The following UPF2 variants were observed in gnomAD, a reference collection of about 807,000 sequenced individuals.
The protein encoded by UPF2 is UPF2 regulator of nonsense mediated mRNA decay, also known as regulator of nonsense transcripts 2.
A neutral mutation model predicts 141.4 loss-of-function variants in UPF2; 17 were observed. That is an observed-to-expected ratio of 0.12 (90% confidence interval 0.08 to 0.18). The LOEUF is 0.18. Among genes scored for constraint, UPF2 ranks in the 10% least tolerant of loss-of-function variants. The pLI, the probability that UPF2 is intolerant of heterozygous loss-of-function variation, is 1.00. For synonymous variants in UPF2, 540 were observed against 498.0 expected, an observed-to-expected ratio of 1.08 and a Z score of -1.12; for missense variants, 1,152 against 1,515.9, an observed-to-expected ratio of 0.76 and a Z score of 3.99.
chr10:11,948,398 C>G lies in UPF2; in HGVS notation c.3145G>C (p.Glu1049Gln), dbSNP rs1833031557. 6.2e-7 allele frequency: 1 copy of G among 1,602,948 alleles called. No individual in the cohort carries two copies. Among genetic ancestry groups the G allele is most frequent in the Non-Finnish European group, 8.5e-7 (1 of 1,173,676 alleles). ...GAETEEQSGN[E>Q]SEVNEPEEEE... Reference sequence around the variant, plus strand: ...TCTTCTGGCTCATTTACTTCACTTTCATTTCCAGATTGTTCTTCTGTTTCA... The same window carrying G: ...TCTTCTGGCTCATTTACTTCACTTTGATTTCCAGATTGTTCTTCTGTTTCA... Residue 1049 changes from glutamate to glutamine, a missense_variant, in exon 16 of 22, where the codon GAA becomes CAA. Physicochemically the swap from Glu to Gln is conservative, Grantham distance 29. This residue lies in a region of UPF2 where 202 missense variants were observed against 223.6 expected (regional missense o/e 0.90). Coordinates refer to ENST00000357604, the MANE Select transcript of UPF2 (RefSeq NM_015542.4).
In UPF2 at chr10:11,935,543, C is replaced by CT. The variant is rs1482004577; in HGVS notation, c.3546+1001dup. On this transcript the variant is annotated intron_variant, in intron 19 of 21. Coordinates refer to ENST00000357604, the MANE Select transcript of UPF2 (RefSeq NM_015542.4). The surrounding 1 kb of genome is among the most constrained non-coding windows in gnomAD (Gnocchi z 4.9). Reference sequence around the variant, plus strand: ...CAGTTAACACAGGATTTCATGGACTCTAAGAAGCAACTTGATCTCAGAAAT... The same window carrying CT: ...CAGTTAACACAGGATTTCATGGACTCTTAAGAAGCAACTTGATCTCAGAAAT... Among the ~76,000 whole-genome samples the CT allele has an allele frequency of 1.3e-5, 2 of 152,142 alleles. No individual in the cohort carries two copies. Among genetic ancestry groups the CT allele is most frequent in the Non-Finnish European group, 2.9e-5 (2 of 68,024 alleles).
intron 9 of UPF2, among the ~76,000 whole-genome samples, chr10:11,972,596 T>C (rs912996513): frequency 2.0e-5 from 3 of 152,162 alleles, no homozygotes; most frequent in African/African-American, 7.2e-5. Context: ...AGTGTTCTGA[T>C]TGTTTAATTC....
rs189515252 is a variant in UPF2 at position 11,969,314 on chromosome 10, C to T, written c.1954-1860G>A. The stretch of plus-strand genomic sequence containing the variant: ...CCTCCCGAGTACCTGGGATTACAGG[C>T]GCCCGCCACCATGCCCGGCTAATTT... On this transcript the variant is annotated intron_variant, in intron 9 of 21. Transcript: ENST00000357604. Among the ~76,000 whole-genome samples, 1,376 of 148,778 alleles carry T rather than the reference C, an allele frequency of 9.2e-3. 27 individuals carry two copies. Among genetic ancestry groups the T allele is most frequent in the African/African-American group, 0.032 (1,293 of 40,346 alleles).
chr10:11,932,378 A>G (rs1015362944), intron 19 of UPF2, among the ~76,000 whole-genome samples: 5 of 152,134 alleles, frequency 3.3e-5, no homozygotes, highest in Non-Finnish European at 7.4e-5. Context: ...TATAAAGAAA[A>G]TTTCGTAATG....
intron 8 of UPF2, among the ~76,000 whole-genome samples, chr10:11,996,147 T>G (rs1445042680): frequency 6.6e-6 from 1 of 152,210 alleles, no homozygotes; most frequent in Non-Finnish European, 1.5e-5. Context: ...TGGATCACAG[T>G]ACACAGCAGA....
In UPF2 at chr10:12,016,255, A is replaced by T. The variant is rs561993244; in HGVS notation, c.1146-2071T>A. On this transcript the variant is annotated intron_variant, in intron 3 of 21. Transcript: ENST00000357604. This position sits in a 1 kb window ranked among gnomAD's most constrained non-coding sequence, Gnocchi z 4.1. Reference sequence around the variant, plus strand: ...TACTTTTATTTTTTGTAGAGACGGGAGTCTGGCTATGTTGGCCAAGCTGGT... The same window carrying T: ...TACTTTTATTTTTTGTAGAGACGGGTGTCTGGCTATGTTGGCCAAGCTGGT... Among the ~76,000 whole-genome samples the T allele has an allele frequency of 3.9e-5, 6 of 152,180 alleles. No individual in the cohort carries two copies. The highest frequency in any genetic ancestry group is 8.8e-5 in the Non-Finnish European group (6 of 68,002).
intron 8 of UPF2, among the ~76,000 whole-genome samples, chr10:11,984,429 T>C (rs1328798355): frequency 6.6e-6 from 1 of 152,234 alleles, no homozygotes; most frequent in East Asian, 1.9e-4. Flanking sequence ...TACACACTTC[T>C]CTATTTTGAT....
chr10:11,968,496 C>G (rs560939770), intron 9 of UPF2, among the ~76,000 whole-genome samples: 1 of 152,280 alleles, frequency 6.6e-6, no homozygotes. Context: ...AAGTGCTCAC[C>G]TAAGCAAAAC....
In UPF2 at chr10:11,959,829, G is replaced by C. The variant is rs1301584639; in HGVS notation, c.2185-473C>G. 6.6e-6 allele frequency among the ~76,000 whole-genome samples: 1 copy of C among 152,142 alleles called. No individual in the cohort carries two copies. The highest frequency in any genetic ancestry group is 1.5e-5 in the Non-Finnish European group (1 of 68,026). On this transcript the variant is annotated intron_variant, in intron 11 of 21. Transcript: ENST00000357604. The surrounding 1 kb of genome is among the most constrained non-coding windows in gnomAD (Gnocchi z 5.9). The stretch of plus-strand genomic sequence containing the variant: ...AAAAACAATCAACAGGCATATCAAA[G>C]AGCATGTAAGCATACTAACTGTTAT...
At chr10:12,004,873 A>G (rs1588564330) in intron 4 of UPF2, 146 bp from the exon 5 acceptor site, 1 of 673,228 alleles carries the variant, frequency 1.5e-6, no homozygotes, top group East Asian at 2.8e-5. Context: ...AGCACATGTG[A>G]CCGTTTTCAA....
At chr10:12,037,882 A>G (rs1834660508) in intron 1 of UPF2, among the ~76,000 whole-genome samples, 1 of 152,228 alleles carries the variant, frequency 6.6e-6, no homozygotes, top group Admixed American at 6.5e-5. Flanking sequence ...CTAGACCAAC[A>G]GAAACACTTT....
chr10:12,032,139 C>A (rs992400518), intron 2 of UPF2, among the ~76,000 whole-genome samples: 1 of 151,158 alleles, frequency 6.6e-6, no homozygotes, highest in African/African-American at 2.4e-5. Flanking sequence ...ACTAAAAATA[C>A]AAAAATTAGC....
intron 8 of UPF2, among the ~76,000 whole-genome samples, chr10:11,981,281 A>G (rs1833589142): frequency 6.6e-6 from 1 of 152,216 alleles, no homozygotes; most frequent in Admixed American, 6.5e-5. Flanking sequence ...TTGGGCTATT[A>G]TAATTTCTAA....
chr10:11,943,327 G>C (rs1588529956), intron 16 of UPF2, among the ~76,000 whole-genome samples, 159 bp from the exon 17 acceptor site: 1 of 152,184 alleles, frequency 6.6e-6, no homozygotes, highest in Non-Finnish European at 1.5e-5. Context: ...AAGTCAGCTA[G>C]CAACGTTTAA....
At chr10:11,973,123 T>C (rs1393489295) in intron 9 of UPF2, among the ~76,000 whole-genome samples, 2 of 152,226 alleles carry the variant, frequency 1.3e-5, no homozygotes, top group Non-Finnish European at 2.9e-5. Context: ...TTTGCATTTC[T>C]CTGATGGCCA....
intron 10 of UPF2, among the ~76,000 whole-genome samples, chr10:11,964,864 C>A (rs1332446110): frequency 6.6e-6 from 1 of 152,120 alleles, no homozygotes; most frequent in African/African-American, 2.4e-5. Context: ...AGTATTTGCA[C>A]ATATATAATG....
chr10:11,966,959 AG>A (rs1221257526), intron 10 of UPF2, among the ~76,000 whole-genome samples: 1 of 152,260 alleles, frequency 6.6e-6, no homozygotes, highest in Non-Finnish European at 1.5e-5. Context: ...GATAATACAG[AG>A]AAACCAGCTT....
At chr10:11,997,810 A>G (rs1833888338) in intron 7 of UPF2, 53 bp from the exon 8 acceptor site, 1 of 1,495,096 alleles carries the variant, frequency 6.7e-7, no homozygotes, top group Non-Finnish European at 9.3e-7. Flanking sequence ...AGTTACGGAG[A>G]GCAGAAATCC....
chr10:12,033,740 G>C (rs1349583714), intron 2 of UPF2, among the ~76,000 whole-genome samples: 1 of 151,924 alleles, frequency 6.6e-6, no homozygotes, highest in Non-Finnish European at 1.5e-5. Context: ...ATAGAGACAG[G>C]GTCTCGCTAT....
Sources: gnomAD v4.1 joint callset for allele counts (sites outside exome capture counted in the v4.1 genomes callset) on GRCh38, gnomAD v4.1.1 for gene constraint, gnomAD v4.1.1 regional missense constraint, Gnocchi (gnomAD v3.1) non-coding constraint, MANE v1.5 for transcripts, NCBI Gene and HGNC (gene_info 2026-07-23, HGNC 2026-07-21) for gene names.